DTWD1: variants seen among roughly 807,000 people sequenced by gnomAD.
DTWD1 encodes the protein tRNA-uridine aminocarboxypropyltransferase 1.
In DTWD1, 27 loss-of-function variants were observed where a neutral mutation model predicts 30.2. That is an observed-to-expected ratio of 0.90 (90% CI 0.66 to 1.23). DTWD1 has a LOEUF of 1.23. DTWD1 is among the 50% of genes most tolerant of loss of function. The pLI is 0.00. For synonymous variants in DTWD1, 99 were observed against 113.1 expected, an observed-to-expected ratio of 0.88 and a Z score of 0.79; for missense variants, 342 against 348.8, an observed-to-expected ratio of 0.98 and a Z score of 0.15.
intron 3 of DTWD1, 151 bp from the exon 4 acceptor site, chr15:49,634,385 A>C: frequency 1.5e-6 from 1 of 660,324 alleles, no homozygotes; most frequent in Non-Finnish European, 2.2e-6. Context: ...AAACTTTACC[A>C]TACATATTAA....
intron 1 of DTWD1, among the ~76,000 whole-genome samples, chr15:49,621,670 A>G (rs1352298814): frequency 6.6e-6 from 1 of 152,196 alleles, no homozygotes; most frequent in East Asian, 1.9e-4. Flanking sequence ...CGCCAGGCCC[A>G]CAAAGTTGGA....
chr15:49,631,577 A>G (rs1179077011), intron 2 of DTWD1, among the ~76,000 whole-genome samples: 1 of 152,148 alleles, frequency 6.6e-6, no homozygotes, highest in Non-Finnish European at 1.5e-5. Context: ...AACCTGGCCA[A>G]CATGGTGAAA....
At position 49,643,483 on chromosome 15, in the gene DTWD1, T is replaced by C. The variant is rs2079091745; in HGVS notation, c.820T>C (p.Tyr274His). 2.2e-5 allele frequency: 35 copies of C among 1,609,470 alleles called. No homozygotes were observed. The highest frequency in any genetic ancestry group is 2.9e-5 in the Non-Finnish European group (34 of 1,177,712). Residue 274 changes from tyrosine (Y) to histidine (H), a missense_variant, in exon 5 of 5, where the codon TAT (tyrosine) becomes CAT (histidine). Physicochemically the swap from Tyr to His is moderately conservative, Grantham distance 83 (BLOSUM62 2). Transcript: ENST00000403028. ...DILKEKYRGQ[Y>H]DNLLFFYSFM... ...ATTAAAAGAGAAATACAGAGGGCAATATGACAATCTTTTATTTTTCTATTC... is the reference window on the plus strand; with the variant it reads ...ATTAAAAGAGAAATACAGAGGGCAACATGACAATCTTTTATTTTTCTATTC...
At chr15:49,633,347 T>G (rs1003400173) in intron 3 of DTWD1, among the ~76,000 whole-genome samples, 2 of 152,070 alleles carry the variant, frequency 1.3e-5, no homozygotes, top group Admixed American at 1.3e-4. Flanking sequence ...ATTCAAGGTT[T>G]TTGCTTTTTA....
chr15:49,623,347 C>T (rs867698784), intron 1 of DTWD1, among the ~76,000 whole-genome samples: 36 of 152,088 alleles, frequency 2.4e-4, no homozygotes, highest in African/African-American at 8.5e-4. Flanking sequence ...TGAAACTTAG[C>T]TTCGTATGTG....
rs2078828741 is a variant in DTWD1 at position 49,625,391 on chromosome 15, C to T, written c.224C>T (p.Pro75Leu). The change falls in exon 2 of 5, where the codon CCA (proline) becomes CTA (leucine). Residue 75 changes from proline to leucine, a missense_variant. By Grantham distance (98) the Pro-to-Leu change is moderately conservative. Transcript: ENST00000403028. ...TTCTACTGCTATACATGTTATGTTCCAGTTGAAAATGTACCTATTGAACAG... is the reference window on the plus strand; with the variant it reads ...TTCTACTGCTATACATGTTATGTTCTAGTTGAAAATGTACCTATTGAACAG... ...RMFYCYTCYV[P>L]VENVPIEQIP... 1 of 1,613,612 alleles carries T rather than the reference C, an allele frequency of 6.2e-7. No homozygotes were observed.
At chr15:49,625,049 T>A in intron 1 of DTWD1, 64 bp from the exon 2 acceptor site, 1 of 1,038,706 alleles carries the variant, frequency 9.6e-7, no homozygotes, top group African/African-American at 1.6e-5. Flanking sequence ...GTAATTTTCT[T>A]TGTAGACTGA....
At chr15:49,622,799 T>A (rs557467908) in intron 1 of DTWD1, among the ~76,000 whole-genome samples, 1 of 152,318 alleles carries the variant, frequency 6.6e-6, no homozygotes. Flanking sequence ...GCTGGCCTCT[T>A]CTACGTGGCC....
intron 2 of DTWD1, chr15:49,629,586 G>A (rs573075977): frequency 2.0e-5 from 3 of 152,108 alleles, no homozygotes; most frequent in African/African-American, 4.8e-5. Context: ...CCTGGGCTAA[G>A]ATAATACTGA....
At chr15:49,641,862 C>T (rs2079068946) in intron 4 of DTWD1, among the ~76,000 whole-genome samples, 1 of 151,966 alleles carries the variant, frequency 6.6e-6, no homozygotes, top group Non-Finnish European at 1.5e-5. Context: ...AAAATCTTCT[C>T]TTTATCTTTG....
chr15:49,621,321 G>T (rs139734434), intron 1 of DTWD1, 199 bp downstream of exon 1: 1 of 151,926 alleles, frequency 6.6e-6, no homozygotes, highest in Non-Finnish European at 1.5e-5. Context: ...CGGGCCCTTT[G>T]GGAAAAAGGT....
Position 49,644,882 on chromosome 15 carries a change from A to T in DTWD1, c.*1304A>T, listed in dbSNP as rs1053297520. On this transcript the variant is annotated 3_prime_UTR_variant, in exon 5 of 5. Transcript: ENST00000403028. ...CATTTGTAAATACTGTAGTTGTTTT[A>T]TTACACTCTTCTCAAATGTCCCCAC... The T allele has an allele frequency of 6.6e-6, 1 of 152,100 alleles. No homozygotes were observed. The highest frequency in any genetic ancestry group is 1.5e-5 in the Non-Finnish European group (1 of 68,012). The allele number at this position is 152,100 out of a possible 1,614,324, so 9.4% of individuals were successfully genotyped here. A position where few individuals can be genotyped will look rare whatever the true frequency, so the allele number is the denominator to read the frequency against.
At position 49,649,594 on chromosome 15, in the gene DTWD1, G is replaced by A. The variant is rs1296741950; in HGVS notation, c.*6016G>A. On this transcript the variant is annotated 3_prime_UTR_variant, in exon 5 of 5. Coordinates refer to ENST00000403028, the MANE Select transcript of DTWD1 (RefSeq NM_001144955.2). ...TCTACTAAAAATACAAAAATTAGTCGGGTGTGATGGCATGTGTCTGTAATC... is the reference window on the plus strand; with the variant it reads ...TCTACTAAAAATACAAAAATTAGTCAGGTGTGATGGCATGTGTCTGTAATC... 6.6e-6 allele frequency: 1 copy of A among 152,082 alleles called. No homozygotes were observed. The highest frequency in any genetic ancestry group is 1.5e-5 in the Non-Finnish European group (1 of 68,050). The allele number at this position is 152,082 out of a possible 1,614,324, so 9.4% of individuals were successfully genotyped here.
rs2153354882 is a variant in DTWD1, at chr15:49,651,166, T to TCTAGAGGG, written c.*7589_*7590insTAGAGGGC. 1 of 152,300 alleles carries TCTAGAGGG rather than the reference T, an allele frequency of 6.6e-6. No individual in the cohort carries two copies. The highest frequency in any genetic ancestry group is 6.5e-5 in the Admixed American group (1 of 15,298). The allele number at this position is 152,300 out of a possible 1,614,324, so 9.4% of individuals were successfully genotyped here. A position where few individuals can be genotyped will look rare whatever the true frequency, so the allele number is the denominator to read the frequency against. ...GGGCTTCTTTGGTTGCATACAAATCTCATCTAGAATTTAATAGTCCAAGTA... is the reference window on the plus strand; with the variant it reads ...GGGCTTCTTTGGTTGCATACAAATCTCTAGAGGGCATCTAGAATTTAATAGTCCAAGTA... On this transcript the variant is annotated 3_prime_UTR_variant, in exon 5 of 5. Transcript: ENST00000403028.
chr15:49,643,325 T>TTTTTA lies in DTWD1; in HGVS notation c.668-6_668-5insTTTTA. 6.9e-7 allele frequency: 1 copy of TTTTTA among 1,456,172 alleles called. No homozygotes were observed. The highest frequency in any genetic ancestry group is 9.0e-7 in the Non-Finnish European group (1 of 1,107,298). 90.2% of individuals were successfully genotyped at this position (1,456,172 alleles called of 1,614,324 possible). On this transcript the variant is annotated splice_polypyrimidine_tract_variant and splice_region_variant and intron_variant, in intron 4 of 4. Coordinates refer to ENST00000403028, the MANE Select transcript of DTWD1 (RefSeq NM_001144955.2). ...TTCTTTCTTTTTTTTTTTTTTTTTTTGACAGGGTTGTTACAAGTTGAGTTG... is the reference window on the plus strand; with the variant it reads ...TTCTTTCTTTTTTTTTTTTTTTTTTTTTTTAGACAGGGTTGTTACAAGTTGAGTTG...
At chr15:49,640,609 C>A (rs1480227066) in intron 4 of DTWD1, among the ~76,000 whole-genome samples, 1 of 152,076 alleles carries the variant, frequency 6.6e-6, no homozygotes, top group African/African-American at 2.4e-5. Context: ...TATCAAATGT[C>A]TGATTTTTGC....
In DTWD1 at chr15:49,625,234, A is replaced by G. The variant is rs892848509; in HGVS notation, c.67A>G (p.Lys23Glu). Reference protein sequence around the residue: ...EENSSKFVETKQSQTTSIASE... With the variant: ...EENSSKFVETEQSQTTSIASE... The stretch of plus-strand genomic sequence containing the variant: ...AAATAGTTCAAAATTTGTGGAAACA[A>G]AACAGTCACAAACTACTTCCATAGC... The change falls in exon 2 of 5, where the codon AAA becomes GAA. Residue 23 changes from lysine (K) to glutamate (E), a missense_variant. By Grantham distance (56) the Lys-to-Glu change is moderately conservative. Transcript: ENST00000403028. The G allele has an allele frequency of 3.1e-6, 5 of 1,613,362 alleles. No homozygotes were observed. Among genetic ancestry groups the G allele is most frequent in the East Asian group, 4.5e-5 (2 of 44,808 alleles).
chr15:49,646,160 T>C lies in DTWD1; in HGVS notation c.*2582T>C, dbSNP rs2079117024. On this transcript the variant is annotated 3_prime_UTR_variant, in exon 5 of 5. Coordinates refer to ENST00000403028, the MANE Select transcript of DTWD1 (RefSeq NM_001144955.2). ...ACTGAATCTTGTCTAGATTGGCTGA[T>C]GGCCAGCCAAACCCAAGATATGTGA... 6.6e-6 allele frequency: 1 copy of C among 152,250 alleles called. No homozygotes were observed. Among genetic ancestry groups the C allele is most frequent in the South Asian group, 2.1e-4 (1 of 4,832 alleles). 9.4% of individuals were successfully genotyped at this position (152,250 alleles called of 1,614,324 possible).
chr15:49,630,703 A>G (rs2078907642), intron 2 of DTWD1: 1 of 152,392 alleles, frequency 6.6e-6, no homozygotes, highest in African/African-American at 2.4e-5. Flanking sequence ...CAAGGGAAAT[A>G]CTTAGGCAAC....
Sources: allele counts gnomAD v4.1 joint callset (sites outside exome capture counted in the v4.1 genomes callset), GRCh38; gene constraint gnomAD v4.1.1; transcripts MANE v1.5; gene names NCBI Gene and HGNC (gene_info 2026-07-23, HGNC 2026-07-21).